DIAPH2: variants seen among roughly 807,000 people sequenced by gnomAD.
DIAPH2 encodes the protein protein diaphanous homolog 2.
A neutral mutation model predicts 92.7 loss-of-function variants in DIAPH2; 35 were observed. That is an observed-to-expected ratio of 0.38 (90% CI 0.29 to 0.50). The LOEUF is 0.50. Among genes scored for constraint, DIAPH2 ranks in the 20% least tolerant of loss-of-function variants. The pLI is 0.94. For missense variants in DIAPH2, 701 were observed against 819.5 expected (o/e 0.86, Z 1.77); for synonymous variants, 301 against 280.4 (o/e 1.07, Z -0.73).
rs1231116153 is a variant in DIAPH2 at position 97,315,006 on chromosome X, T to A, written c.2845-33110T>A. ...TAAAACAGGAAAGGAAGATGAGAAA[T>A]AATATTCTCCTATTATTATGGAAAC... On this transcript the variant is annotated intron_variant, in intron 23 of 26. Transcript: ENST00000324765. Among the ~76,000 whole-genome samples the A allele has an allele frequency of 2.7e-5, 3 of 111,937 alleles. No individual in the cohort carries two copies. In the Admixed American group the frequency reaches 2.9e-4, roughly 11 times the overall value.
Position 96,916,425 on chromosome X carries a change from T to G in DIAPH2, c.733-13T>G. 1 of 1,054,901 alleles carries G rather than the reference T, an allele frequency of 9.5e-7. No homozygotes were observed. The highest frequency in any genetic ancestry group is 1.2e-6 in the Non-Finnish European group (1 of 807,312). 86.9% of individuals were successfully genotyped at this position (1,054,901 alleles called of 1,213,427 possible). A position where few individuals can be genotyped will look rare whatever the true frequency, so the allele number is the denominator to read the frequency against. On this transcript the variant is annotated splice_polypyrimidine_tract_variant and intron_variant, in intron 7 of 26. Transcript: ENST00000324765. ...AGACATTCTGAATGAAGGTTTTTTT[T>G]TTTTTTTTTTAGTTTGGATTACAAA...
intron 17 of DIAPH2, among the ~76,000 whole-genome samples, chrX:97,040,718 T>A (rs1193035263): frequency 9.1e-6 from 1 of 110,407 alleles, no homozygotes; most frequent in East Asian, 2.8e-4. Context: ...TTTACTATTT[T>A]AAAAATAATA....
chrX:97,150,602 G>A (rs1306452741), intron 22 of DIAPH2, among the ~76,000 whole-genome samples: 3 of 111,168 alleles, frequency 2.7e-5, no homozygotes, highest in Non-Finnish European at 3.8e-5. Context: ...CTTTTTAAAG[G>A]CCCACTTTAA....
Position 97,509,016 on chromosome X carries a change from T to G in DIAPH2, c.3241+79271T>G, listed in dbSNP as rs192441379. ...ACCAAGAGAAAAGCATACAAAGTTA[T>G]TTATTTATTTATTTATTTATTTATT... On this transcript the variant is annotated intron_variant, in intron 26 of 26. Transcript: ENST00000324765. Among the ~76,000 whole-genome samples, 6 of 87,991 alleles carry G rather than the reference T, an allele frequency of 6.8e-5. No homozygotes were observed. In the East Asian group the frequency reaches 1.6e-3, roughly 23 times the overall value. The allele number at this position is 87,991 out of a possible 115,157, so 76.4% of individuals were successfully genotyped here. A position where few individuals can be genotyped will look rare whatever the true frequency, so the allele number is the denominator to read the frequency against.
chrX:96,872,772 G>A (rs1242864327), intron 4 of DIAPH2, among the ~76,000 whole-genome samples: 1 of 110,882 alleles, frequency 9.0e-6, no homozygotes, highest in Non-Finnish European at 1.9e-5. Flanking sequence ...GGGATTACAA[G>A]CATGAGCCAC....
At chrX:97,561,512 GTC>G (rs2071293991) in intron 26 of DIAPH2, among the ~76,000 whole-genome samples, 1 of 112,369 alleles carries the variant, frequency 8.9e-6, no homozygotes, top group Non-Finnish European at 1.9e-5. Flanking sequence ...TTTGTTGACT[GTC>G]TCTCTTTTAA....
At chrX:97,430,184 C>G (rs1386941983) in intron 26 of DIAPH2, among the ~76,000 whole-genome samples, 1 of 111,826 alleles carries the variant, frequency 8.9e-6, no homozygotes, top group Non-Finnish European at 1.9e-5. Flanking sequence ...AGTCTGTTCT[C>G]TGTGATCCAT....
intron 4 of DIAPH2, among the ~76,000 whole-genome samples, chrX:96,782,377 G>C (rs1210471563): frequency 2.7e-5 from 3 of 110,500 alleles, no homozygotes; most frequent in African/African-American, 9.9e-5. Flanking sequence ...CTCACTGCAA[G>C]CTCCGCCTCC....
At position 96,735,202 on chromosome X, in the gene DIAPH2, T is replaced by C. The variant is rs542040514; in HGVS notation, c.133-556T>C. The stretch of plus-strand genomic sequence containing the variant: ...AATAAGTTCAATTTTATTTAGAATA[T>C]TTTAAAAATATTTCTAATTTATTTA... On this transcript the variant is annotated intron_variant, in intron 1 of 26. Transcript: ENST00000324765. Among the ~76,000 whole-genome samples the C allele has an allele frequency of 7.2e-5, 8 of 111,887 alleles. No homozygotes were observed. The South Asian group carries it at 2.9e-3, about 41-fold the overall frequency.
At chrX:96,923,449 T>C (rs1425021145) in intron 9 of DIAPH2, among the ~76,000 whole-genome samples, 2 of 112,113 alleles carry the variant, frequency 1.8e-5, no homozygotes, top group African/African-American at 3.2e-5. Context: ...AAACAAAAAT[T>C]AAATAAAACA....
chrX:97,118,996 TTC>T (rs1349175298), intron 21 of DIAPH2, among the ~76,000 whole-genome samples: 1 of 111,923 alleles, frequency 8.9e-6, no homozygotes, highest in Admixed American at 9.5e-5. Flanking sequence ...GGCTTCACCT[TTC>T]TCTGGTGCCT....
chrX:96,812,351 G>C (rs1430212325), intron 4 of DIAPH2, among the ~76,000 whole-genome samples: 3 of 111,831 alleles, frequency 2.7e-5, no homozygotes, highest in Non-Finnish European at 5.6e-5. Flanking sequence ...GTATTTCTGT[G>C]GGATTGGTGC....
intron 24 of DIAPH2, among the ~76,000 whole-genome samples, chrX:97,354,082 T>G (rs749629734): frequency 1.1e-4 from 12 of 111,110 alleles, no homozygotes; most frequent in Non-Finnish European, 1.5e-4. Flanking sequence ...CCCAAAGTGC[T>G]GGAATTACAT....
intron 20 of DIAPH2, among the ~76,000 whole-genome samples, chrX:97,114,024 TATGA>T (rs2067000828): frequency 8.9e-6 from 1 of 111,859 alleles, no homozygotes; most frequent in African/African-American, 3.2e-5. Context: ...GCACCAGTGC[TATGA>T]AACAAGTAAT....
At chrX:96,867,567 C>T (rs1440859955) in intron 4 of DIAPH2, among the ~76,000 whole-genome samples, 3 of 111,037 alleles carry the variant, frequency 2.7e-5, no homozygotes, top group East Asian at 2.8e-4. Flanking sequence ...AGCAGTATTT[C>T]GTGATATTCA....
chrX:97,076,802 C>A (rs1198997694), intron 19 of DIAPH2, among the ~76,000 whole-genome samples: 2 of 111,246 alleles, frequency 1.8e-5, no homozygotes, highest in South Asian at 3.8e-4. Flanking sequence ...TCATCTCTTC[C>A]TTGTTTTTAG....
At chrX:96,971,821 A>G (rs2065929627) in intron 17 of DIAPH2, among the ~76,000 whole-genome samples, 1 of 111,841 alleles carries the variant, frequency 8.9e-6, no homozygotes, top group African/African-American at 3.3e-5. Flanking sequence ...AGGATCAATT[A>G]TGCATCATAG....
At chrX:97,147,590 G>A (rs1408493772) in intron 22 of DIAPH2, among the ~76,000 whole-genome samples, 2 of 110,699 alleles carry the variant, frequency 1.8e-5, no homozygotes, top group Non-Finnish European at 3.8e-5. Context: ...GGTTAGTAAA[G>A]TTTAATTAAA....
intron 1 of DIAPH2, among the ~76,000 whole-genome samples, chrX:96,692,833 C>G (rs2063804931): frequency 8.9e-6 from 1 of 112,186 alleles, no homozygotes; most frequent in African/African-American, 3.2e-5. Context: ...TCACACCCCA[C>G]CACAACAACT....
Sources: allele counts gnomAD v4.1 joint callset (sites outside exome capture counted in the v4.1 genomes callset), GRCh38; gene constraint gnomAD v4.1.1; transcripts MANE v1.5; gene names NCBI Gene and HGNC (gene_info 2026-07-23, HGNC 2026-07-21).